The following NOS2 variants were observed in gnomAD, a reference collection of about 807,000 sequenced individuals.
NOS2 encodes the protein nitric oxide synthase 2, also known as nitric oxide synthase, inducible.
Under a neutral mutation model 136.0 loss-of-function variants are expected in NOS2, and 96 were observed. The observed-to-expected ratio is 0.71, with a 90% CI of 0.60 to 0.84. The LOEUF is 0.84. NOS2 is among the 40% of genes least tolerant of loss of function. NOS2 has a pLI of 0.00. For synonymous variants in NOS2, 539 were observed against 587.5 expected, an observed-to-expected ratio of 0.92 and a Z score of 1.20; for missense variants, 1,237 against 1,496.9, an observed-to-expected ratio of 0.83 and a Z score of 2.87.
chr17:27,770,197 T>C (rs1908446215), intron 15 of NOS2, among the ~76,000 whole-genome samples: 1 of 152,310 alleles, frequency 6.6e-6, no homozygotes, highest in African/African-American at 2.4e-5. Flanking sequence ...AAAACAAAGA[T>C]AGCTGAGCAC....
rs1319365011 is a variant in NOS2 at position 27,785,803 on chromosome 17, TA to T, written c.467+1874del. 8.6e-5 allele frequency among the ~76,000 whole-genome samples: 13 copies of T among 150,860 alleles called. No homozygotes were observed. The South Asian group carries it at 2.1e-3, about 24-fold the overall frequency. ...TGAGACCCTGTCTCTACTAAAAATT[TA>T]AAAAATTAGCTAAGCATAGTGGTGC... On this transcript the variant is annotated intron_variant, in intron 5 of 26. Coordinates refer to ENST00000313735, the MANE Select transcript of NOS2 (RefSeq NM_000625.4).
chr17:27,768,010 T>A (rs1908364673), intron 17 of NOS2, among the ~76,000 whole-genome samples, 173 bp from the exon 18 acceptor site: 1 of 152,230 alleles, frequency 6.6e-6, no homozygotes, highest in Non-Finnish European at 1.5e-5. Flanking sequence ...AAGAGGTGTC[T>A]GGGCTTGGCA....
At chr17:27,769,220 A>C (rs1782305157) in intron 16 of NOS2, 69 bp from the exon 17 acceptor site, 1 of 1,462,166 alleles carries the variant, frequency 6.8e-7, no homozygotes, top group Admixed American at 2.0e-5. Flanking sequence ...ACCCAGCACC[A>C]ACAGCCTGGA....
In NOS2 at chr17:27,762,908, A is replaced by G; in HGVS notation, c.2690T>C (p.Leu897Pro). Reference protein sequence around the residue: ...PSLRVSAGFLLSQLPILKPRF... With the variant: ...PSLRVSAGFLPSQLPILKPRF... ...GGGCTTCAGAATGGGGAGCTGGGAA[A>G]GCAGGAAGCCAGCAGACACCCGCAG... The change falls in exon 22 of 27, where the codon CTT becomes CCT. Residue 897 changes from leucine to proline, a missense_variant. Leu to Pro is a moderately conservative substitution (Grantham distance 98). Around this residue, in one of 3 missense-constraint regions of NOS2, gnomAD observed 782 missense variants for 909.9 expected, o/e 0.86. Coordinates refer to ENST00000313735, the MANE Select transcript of NOS2 (RefSeq NM_000625.4). 1.9e-6 allele frequency: 3 copies of G among 1,602,834 alleles called. No individual in the cohort carries two copies. Among genetic ancestry groups the G allele is most frequent in the South Asian group, 1.1e-5 (1 of 88,430 alleles).
At chr17:27,776,326 C>T (rs550741065) in intron 11 of NOS2, among the ~76,000 whole-genome samples, 22 of 152,282 alleles carry the variant, frequency 1.4e-4, no homozygotes, top group African/African-American at 4.6e-4. Context: ...CTCTCATTCA[C>T]TTATTCTTCC....
chr17:27,784,214 C>A (rs1908945652), intron 5 of NOS2, among the ~76,000 whole-genome samples: 1 of 151,874 alleles, frequency 6.6e-6, no homozygotes, highest in Non-Finnish European at 1.5e-5. Flanking sequence ...GCACCAAAGC[C>A]TTTTGAAACA....
intron 24 of NOS2, 112 bp downstream of exon 24, chr17:27,760,511 G>A: frequency 7.1e-7 from 1 of 1,415,040 alleles, no homozygotes; most frequent in Non-Finnish European, 9.7e-7. Flanking sequence ...AAGCAAACTT[G>A]GGAGGCCTTC....
intron 6 of NOS2, among the ~76,000 whole-genome samples, 177 bp downstream of exon 6, chr17:27,782,767 G>A (rs1363264365): frequency 4.6e-5 from 7 of 152,308 alleles, no homozygotes; most frequent in Admixed American, 1.3e-4. Flanking sequence ...AGGATTCAAG[G>A]CTTCTAGAGA....
intron 25 of NOS2, among the ~76,000 whole-genome samples, chr17:27,759,465 C>T (rs934034426): frequency 6.6e-6 from 1 of 152,124 alleles, no homozygotes; most frequent in Admixed American, 6.5e-5. Context: ...GTATGGATCC[C>T]GGGCTCCCCA....
At chr17:27,778,660 G>T in intron 11 of NOS2, 30 bp downstream of exon 11, 2 of 1,568,992 alleles carry the variant, frequency 1.3e-6, no homozygotes, top group Non-Finnish European at 1.8e-6. Flanking sequence ...TCACCAAAAA[G>T]TCTTCAGACT....
At chr17:27,769,720 G>A in intron 15 of NOS2, 136 bp from the exon 16 acceptor site, 1 of 728,998 alleles carries the variant, frequency 1.4e-6, no homozygotes, top group Non-Finnish European at 2.4e-6. Context: ...TACATATGGG[G>A]CTACCTGGCC....
rs1908739022 is a variant in NOS2, at chr17:27,778,702, G to A, written c.1269C>T (p.Leu423=). ...ACTCCAGACATACCTGGAAACTATGGAGCACAGCAATGTTGATCTCAACGA... is the reference window on the plus strand; with the variant it reads ...ACTCCAGACATACCTGGAAACTATGAAGCACAGCAATGTTGATCTCAACGA... ...QAVVEINIAV[L]HSFQKQNVTI... Residue 423 remains leucine (L), a synonymous_variant, in exon 11 of 27, where the codon CTC becomes CTT. Transcript: ENST00000313735. 3 of 1,613,926 alleles carry A rather than the reference G, an allele frequency of 1.9e-6. No individual in the cohort carries two copies. The East Asian group carries it at 6.7e-5, about 36-fold the overall frequency.
At position 27,758,967 on chromosome 17, in the gene NOS2, C is replaced by T; in HGVS notation, c.3268G>A (p.Asp1090Asn). 6.2e-7 allele frequency: 1 copy of T among 1,613,220 alleles called. No homozygotes were observed. Among genetic ancestry groups the T allele is most frequent in the Non-Finnish European group, 8.5e-7 (1 of 1,179,664 alleles). ...YVCGDVRMAR[D>N]VAHTLKQLVA... is the part of the protein sequence containing the mutation. Reference sequence around the variant, plus strand: ...AGCTGCTTCAGGGTGTGGGCCACGTCCCGGGCCATGCGCACATCCCCGCAA... The same window carrying T: ...AGCTGCTTCAGGGTGTGGGCCACGTTCCGGGCCATGCGCACATCCCCGCAA... The change falls in exon 26 of 27, where the codon GAC becomes AAC. Residue 1090 changes from aspartate (D) to asparagine (N), a missense_variant. By Grantham distance (23) the Asp-to-Asn change is conservative. This residue lies in a region of NOS2 where 782 missense variants were observed against 909.9 expected (regional missense o/e 0.86). Coordinates refer to ENST00000313735, the MANE Select transcript of NOS2 (RefSeq NM_000625.4).
chr17:27,794,714 G>GCACACACACACACACACACA (rs56767383), intron 2 of NOS2, among the ~76,000 whole-genome samples: 8 of 145,506 alleles, frequency 5.5e-5, no homozygotes, highest in African/African-American at 2.0e-4. Flanking sequence ...ACACACACGC[G>GCACACACACACACACACACA]CACACACACA....
intron 1 of NOS2, among the ~76,000 whole-genome samples, chr17:27,800,096 T>G (rs967633615): frequency 6.6e-6 from 1 of 152,206 alleles, no homozygotes; most frequent in Admixed American, 6.5e-5. Flanking sequence ...AAACTCCCAT[T>G]TTGAACTTTT....
chr17:27,778,506 A>T (rs1419207424), intron 11 of NOS2, among the ~76,000 whole-genome samples, 184 bp downstream of exon 11: 1 of 152,178 alleles, frequency 6.6e-6, no homozygotes, highest in Non-Finnish European at 1.5e-5. Flanking sequence ...TGAGCGATTG[A>T]GAGAGGACAG....
Position 27,796,871 on chromosome 17 carries a change from C to G in NOS2, c.110+1829G>C, listed in dbSNP as rs1909370585. 2.0e-5 allele frequency among the ~76,000 whole-genome samples: 3 copies of G among 152,200 alleles called. No homozygotes were observed. In the South Asian group the frequency reaches 6.2e-4, roughly 32 times the overall value. ...GGCCATCAACTCTGTGTTCTCACCT[C>G]TTGGTCTCTTAGCCACCTCAGTTGC... On this transcript the variant is annotated intron_variant, in intron 2 of 26. Transcript: ENST00000313735.
chr17:27,773,464 G>T lies in NOS2; in HGVS notation c.1477-221C>A, dbSNP rs559480820. ...CCCGGCATGGAGCCTGCACATCGAG[G>T]GGGGGCGGCTAACCCTTATTCTCAT... On this transcript the variant is annotated intron_variant, in intron 12 of 26. Transcript: ENST00000313735. 3.3e-5 allele frequency among the ~76,000 whole-genome samples: 5 copies of T among 152,340 alleles called. No homozygotes were observed. The East Asian group carries it at 7.7e-4, about 24-fold the overall frequency.
intron 3 of NOS2, 32 bp from the exon 4 acceptor site, chr17:27,788,963 G>T: frequency 1.2e-6 from 2 of 1,610,310 alleles, no homozygotes; most frequent in Non-Finnish European, 1.7e-6. Flanking sequence ...TTTTCTCTCA[G>T]GTCTCTCCTA....
Sources: allele counts gnomAD v4.1 joint callset (sites outside exome capture counted in the v4.1 genomes callset), GRCh38; gene constraint gnomAD v4.1.1; regional missense constraint gnomAD v4.1.1; transcripts MANE v1.5; gene names NCBI Gene and HGNC (gene_info 2026-07-23, HGNC 2026-07-21).